The following PVT1 variants were observed in gnomAD, a reference collection of about 807,000 sequenced individuals.
PVT1 encodes Pvt1 oncogene.
At chr8:128,023,134 C>A (rs1817456905) in intron 4 of PVT1, among the ~76,000 whole-genome samples, 1 of 152,146 alleles carries the variant, frequency 6.6e-6, no homozygotes, top group Non-Finnish European at 1.5e-5. Flanking sequence ...TCCCAAAGTG[C>A]TGGAATTATA....
chr8:127,916,021 C>T (rs1815980699), intron 3 of PVT1, among the ~76,000 whole-genome samples: 2 of 152,228 alleles, frequency 1.3e-5, no homozygotes, highest in Non-Finnish European at 2.9e-5. Context: ...TAGGGACTCC[C>T]CACATCCCAC....
chr8:127,843,172 A>G (rs1814991506), intron 2 of PVT1, among the ~76,000 whole-genome samples: 1 of 152,188 alleles, frequency 6.6e-6, no homozygotes, highest in Admixed American at 6.5e-5. Context: ...CCTGGGCAAC[A>G]TGGCAAAACC....
chr8:127,948,019 CT>C (rs1816446566), intron 3 of PVT1: 1 of 421,398 alleles, frequency 2.4e-6, no homozygotes, highest in Non-Finnish European at 4.7e-6. Context: ...CTGAAACTAT[CT>C]GCTGTTGGTC....
chr8:128,021,161 C>T (rs1446294665), intron 4 of PVT1, among the ~76,000 whole-genome samples: 1 of 152,094 alleles, frequency 6.6e-6, no homozygotes. Flanking sequence ...TTCCATCGCT[C>T]CCTAGCTACA....
intron 3 of PVT1, among the ~76,000 whole-genome samples, chr8:127,945,766 A>T (rs1432700898): frequency 6.6e-6 from 1 of 152,110 alleles, no homozygotes; most frequent in Non-Finnish European, 1.5e-5. Flanking sequence ...GAAAATAATC[A>T]CATCCCACTG....
intron 2 of PVT1, among the ~76,000 whole-genome samples, chr8:127,811,412 G>A (rs1298903318): frequency 6.6e-6 from 1 of 152,168 alleles, no homozygotes; most frequent in African/African-American, 2.4e-5. Context: ...CATTGCACAA[G>A]CTCCCTCAGG....
intron 4 of PVT1, among the ~76,000 whole-genome samples, chr8:128,026,658 G>A (rs1030232000): frequency 6.6e-6 from 1 of 152,120 alleles, no homozygotes; most frequent in African/African-American, 2.4e-5. Flanking sequence ...CTAGACCCCT[G>A]GGAAGGCAGG....
intron 4 of PVT1, among the ~76,000 whole-genome samples, chr8:128,041,645 ATGTG>A (rs1253781250): frequency 3.1e-4 from 44 of 140,374 alleles, no homozygotes; most frequent in Admixed American, 6.3e-4. Context: ...TGTGTGGTGA[ATGTG>A]TGTGTATTTT....
intron 2 of PVT1, among the ~76,000 whole-genome samples, chr8:127,809,886 A>G (rs1814572235): frequency 6.6e-6 from 1 of 152,172 alleles, no homozygotes; most frequent in Non-Finnish European, 1.5e-5. Context: ...TTGAAGAGAG[A>G]TATCTCCTAT....
intron 2 of PVT1, among the ~76,000 whole-genome samples, chr8:127,869,494 A>G (rs1815327820): frequency 1.3e-5 from 2 of 152,186 alleles, no homozygotes; most frequent in Admixed American, 6.5e-5. Flanking sequence ...CAGTCTTATT[A>G]CTTAGTATTG....
At chr8:128,041,619 G>GTGTGTGTA (rs1563673412) in intron 4 of PVT1, among the ~76,000 whole-genome samples, 1 of 148,534 alleles carries the variant, frequency 6.7e-6, no homozygotes, top group Non-Finnish European at 1.5e-5. Context: ...TGGTGTGTGT[G>GTGTGTGTA]TGTGTGTTGT....
At chr8:128,057,669 A>G (rs574950795) in intron 4 of PVT1, among the ~76,000 whole-genome samples, 2 of 152,308 alleles carry the variant, frequency 1.3e-5, no homozygotes, top group East Asian at 3.9e-4. Flanking sequence ...TTCAGTTCAT[A>G]AACATGCTTT....
chr8:127,971,423 G>A (rs1816763429), intron 3 of PVT1, among the ~76,000 whole-genome samples: 1 of 152,232 alleles, frequency 6.6e-6, no homozygotes, highest in South Asian at 2.1e-4. Context: ...GTTAGGGATT[G>A]TTTGTGACAG....
chr8:127,989,463 C>T (rs1432627148), intron 4 of PVT1, among the ~76,000 whole-genome samples: 1 of 152,134 alleles, frequency 6.6e-6, no homozygotes, highest in Non-Finnish European at 1.5e-5. Flanking sequence ...ACCTGGTTCT[C>T]AGAGTCTAGT....
intron 2 of PVT1, among the ~76,000 whole-genome samples, chr8:127,827,684 C>T (rs1766063048): frequency 6.6e-6 from 1 of 152,078 alleles, no homozygotes; most frequent in South Asian, 2.1e-4. Context: ...TGGCAGCTCC[C>T]TGGAAAAATT....
Position 128,063,228 on chromosome 8 carries a change from G to A in PVT1, n.913-6932G>A, listed in dbSNP as rs74356005. Among the ~76,000 whole-genome samples the A allele has an allele frequency of 2.7e-3, 409 of 152,116 alleles. 3 individuals carry two copies. In the East Asian group the frequency reaches 0.035, roughly 13 times the overall value. On this transcript the variant is annotated intron_variant and non_coding_transcript_variant, in intron 4 of 10. Transcript: ENST00000651587. ...TCGTTGCAGATGCTTAAATACACAC[G>A]CAGGCCAGGCACAGTGGCTCAAGCC...
chr8:127,941,642 G>T (rs2129908517), intron 3 of PVT1, among the ~76,000 whole-genome samples: 1 of 152,314 alleles, frequency 6.6e-6, no homozygotes, highest in South Asian at 2.1e-4. Context: ...TAGCCAGTTT[G>T]CTATTGTTGG....
At chr8:128,003,790 A>G (rs1462999639) in intron 4 of PVT1, among the ~76,000 whole-genome samples, 1 of 152,280 alleles carries the variant, frequency 6.6e-6, no homozygotes, top group African/African-American at 2.4e-5. Context: ...GTCAAAAGAC[A>G]AATTAATCAG....
chr8:127,994,684 C>T (rs1817084525), intron 4 of PVT1, among the ~76,000 whole-genome samples: 1 of 152,108 alleles, frequency 6.6e-6, no homozygotes, highest in Non-Finnish European at 1.5e-5. Flanking sequence ...TGTGATTTGC[C>T]ACCTGCAGGC....
Sources: allele counts gnomAD v4.1 joint callset (sites outside exome capture counted in the v4.1 genomes callset), GRCh38; gene constraint gnomAD v4.1.1; transcripts MANE v1.5; gene names NCBI Gene and HGNC (gene_info 2026-07-23, HGNC 2026-07-21).